Variants in TFDP2 observed in about 807,000 individuals in gnomAD.
TFDP2 encodes the protein transcription factor Dp-2.
In TFDP2, 17 loss-of-function variants were observed where a neutral mutation model predicts 59.3. The observed-to-expected ratio is 0.29, with a 90% confidence interval of 0.20 to 0.43. TFDP2 has a LOEUF of 0.43. TFDP2 is among the 20% of genes least tolerant of loss of function. The pLI is 1.00. For synonymous variants in TFDP2, 180 were observed against 194.7 expected (o/e 0.92, Z 0.63); for missense variants, 391 against 528.8 (o/e 0.74, Z 2.56).
intron 4 of TFDP2, among the ~76,000 whole-genome samples, chr3:141,998,952 G>A (rs114335916): frequency 0.025 from 3,860 of 152,248 alleles, 149 homozygotes; most frequent in African/African-American, 0.086. Context: ...TATATTAAGA[G>A]ATTTCACTAT....
intron 3 of TFDP2, among the ~76,000 whole-genome samples, chr3:142,040,906 A>G (rs1391049661): frequency 6.6e-6 from 1 of 152,202 alleles, no homozygotes; most frequent in Non-Finnish European, 1.5e-5. Context: ...CTTTTAAAAA[A>G]AAAAGATAAT....
At chr3:142,057,607 C>T (rs1426256016) in intron 3 of TFDP2, among the ~76,000 whole-genome samples, 1 of 152,176 alleles carries the variant, frequency 6.6e-6, no homozygotes, top group African/African-American at 2.4e-5. Flanking sequence ...TCTGGTGAAA[C>T]AATCTGAGTG....
At chr3:142,013,546 CAG>C (rs1944888173) in intron 3 of TFDP2, among the ~76,000 whole-genome samples, 1 of 152,168 alleles carries the variant, frequency 6.6e-6, no homozygotes, top group African/African-American at 2.4e-5. Flanking sequence ...TCCTGGGACT[CAG>C]TGTATTAAAA....
chr3:141,985,673 C>T (rs900849387), intron 6 of TFDP2, among the ~76,000 whole-genome samples: 5 of 151,838 alleles, frequency 3.3e-5, no homozygotes, highest in Admixed American at 6.6e-5. Flanking sequence ...TAGAAGAAAA[C>T]GTAGGTGTTA....
intron 3 of TFDP2, among the ~76,000 whole-genome samples, chr3:142,092,141 A>G (rs2061014192): frequency 6.6e-6 from 1 of 152,208 alleles, no homozygotes; most frequent in Admixed American, 6.5e-5. Context: ...ATATTGTTTT[A>G]TCTATAATAC....
At position 141,946,849 on chromosome 3, in the gene TFDP2, G is replaced by C. The variant is rs1224953981; in HGVS notation, c.*5664C>G. 6.6e-6 allele frequency: 1 copy of C among 152,186 alleles called. No homozygotes were observed. The highest frequency in any genetic ancestry group is 1.5e-5 in the Non-Finnish European group (1 of 68,054). The allele number at this position is 152,186 out of a possible 1,614,324, so 9.4% of individuals were successfully genotyped here. A position where few individuals can be genotyped will look rare whatever the true frequency, so the allele number is the denominator to read the frequency against. On this transcript the variant is annotated 3_prime_UTR_variant, in exon 13 of 13. Transcript: ENST00000489671. ...TCAAGACCAGTGTGGTCAACATGGT[G>C]AAACCCTGTCTCTACTAAAAATACA...
At chr3:142,013,033 A>G (rs1325289832) in intron 3 of TFDP2, among the ~76,000 whole-genome samples, 1 of 152,232 alleles carries the variant, frequency 6.6e-6, no homozygotes, top group East Asian at 1.9e-4. Flanking sequence ...GCTACTTAGG[A>G]GGCTGAGGCA....
intron 1 of TFDP2, among the ~76,000 whole-genome samples, chr3:142,141,181 C>T (rs1253994439): frequency 3.9e-5 from 6 of 152,210 alleles, no homozygotes; most frequent in Admixed American, 1.3e-4. Flanking sequence ...AAGCCAGGCA[C>T]GGGAGAGAAT....
At position 142,005,469 on chromosome 3, in the gene TFDP2, G is replaced by T; in HGVS notation, c.158C>A (p.Pro53Gln). The change falls in exon 4 of 13, where the codon CCA becomes CAA. Residue 53 changes from proline (P) to glutamine (Q), a missense_variant. Physicochemically the swap from Pro to Gln is moderately conservative, Grantham distance 76. This residue lies in a region of TFDP2 where 162 missense variants were observed against 206.8 expected (regional missense o/e 0.78). Transcript: ENST00000489671. ...TTGGGGTCCAACATTCACATTTATT[G>T]GTCCTAAGGTTTTTGGTAAAATCTT... ...PTKILPKTLG[P>Q]INVNVGPQMI... The T allele has an allele frequency of 1.9e-6, 3 of 1,609,888 alleles. No homozygotes were observed. The highest frequency in any genetic ancestry group is 1.1e-5 in the South Asian group (1 of 90,186).
intron 3 of TFDP2, among the ~76,000 whole-genome samples, chr3:142,047,930 C>T (rs138675627): frequency 2.7e-3 from 416 of 151,868 alleles, no homozygotes; most frequent in Non-Finnish European, 3.0e-3. Flanking sequence ...TTAGTAGAGA[C>T]GCGGTCTCAC....
chr3:141,951,222 G>A lies in TFDP2; in HGVS notation c.*1291C>T, dbSNP rs1935905843. ...TTCCAAAGCCTTAATGTGAAATTCAGTCAGGGTCTGGCCATGGTGGCAGGT... is the reference window on the plus strand; with the variant it reads ...TTCCAAAGCCTTAATGTGAAATTCAATCAGGGTCTGGCCATGGTGGCAGGT... On this transcript the variant is annotated 3_prime_UTR_variant, in exon 13 of 13. Transcript: ENST00000489671. The A allele has an allele frequency of 6.6e-6, 1 of 152,130 alleles. No homozygotes were observed. Among genetic ancestry groups the A allele is most frequent in the Non-Finnish European group, 1.5e-5 (1 of 68,026 alleles). The allele number at this position is 152,130 out of a possible 1,614,324, so 9.4% of individuals were successfully genotyped here.
intron 6 of TFDP2, among the ~76,000 whole-genome samples, chr3:141,983,623 G>GA (rs35735051): frequency 0.013 from 963 of 72,920 alleles, 14 homozygotes; most frequent in African/African-American, 0.041. Context: ...AATGTCTCAA[G>GA]AAAAAAAAAA....
At chr3:142,018,941 T>TTTC (rs1278914485) in intron 3 of TFDP2, among the ~76,000 whole-genome samples, 1 of 151,120 alleles carries the variant, frequency 6.6e-6, no homozygotes, top group East Asian at 1.9e-4. Context: ...TTTTTTTTTT[T>TTTC]TTTTTGGTAG....
At chr3:142,083,749 G>A (rs192012547) in intron 3 of TFDP2, among the ~76,000 whole-genome samples, 1 of 152,268 alleles carries the variant, frequency 6.6e-6, no homozygotes, top group African/African-American at 2.4e-5. Context: ...AACATACACT[G>A]GAGAACAGAC....
chr3:142,101,947 A>G (rs2061329139), intron 1 of TFDP2, 106 bp from the exon 2 acceptor site: 2 of 419,268 alleles, frequency 4.8e-6, no homozygotes. Flanking sequence ...AACTGTCTAA[A>G]TTAATCTTCA....
At chr3:142,140,305 AC>A (rs1270351551) in intron 1 of TFDP2, among the ~76,000 whole-genome samples, 1 of 152,132 alleles carries the variant, frequency 6.6e-6, no homozygotes, top group East Asian at 1.9e-4. Flanking sequence ...ATGGGTTAGA[AC>A]ATGCTTCTTT....
chr3:142,070,475 C>T (rs984177502), intron 3 of TFDP2, among the ~76,000 whole-genome samples: 1 of 152,110 alleles, frequency 6.6e-6, no homozygotes, highest in South Asian at 2.1e-4. Context: ...GAGGCAATGC[C>T]TCCCTGTGCT....
At chr3:142,132,003 CAAA>C (rs56004449) in intron 1 of TFDP2, among the ~76,000 whole-genome samples, 10 of 83,476 alleles carry the variant, frequency 1.2e-4, no homozygotes, top group Non-Finnish European at 1.8e-4. Context: ...GACTCCGTCT[CAAA>C]AAAAAAAAAA....
intron 3 of TFDP2, among the ~76,000 whole-genome samples, chr3:142,008,034 A>C (rs1223824164): frequency 1.3e-5 from 2 of 152,086 alleles, no homozygotes. Context: ...TTGCAACTTC[A>C]TATCTGGTTT....
Sources: allele counts gnomAD v4.1 joint callset (sites outside exome capture counted in the v4.1 genomes callset), GRCh38; gene constraint gnomAD v4.1.1; regional missense constraint gnomAD v4.1.1; transcripts MANE v1.5; gene names NCBI Gene and HGNC (gene_info 2026-07-23, HGNC 2026-07-21).